The following SKP1 variants were observed in gnomAD, a reference collection of about 807,000 sequenced individuals.
SKP1 encodes S-phase kinase associated protein 1, also known as S-phase kinase-associated protein 1.
Under a neutral mutation model 21.5 loss-of-function variants are expected in SKP1, and 1 was observed. The observed-to-expected ratio is 0.05, with a 90% CI of 0.02 to 0.22. SKP1 has a LOEUF of 0.22. Ranked by LOEUF, SKP1 falls within the 10% of genes least tolerant of loss-of-function variation. The pLI is 1.00. For synonymous variants in SKP1, 59 were observed against 59.3 expected (o/e 0.99, Z 0.03); for missense variants, 70 against 192.0 (o/e 0.36, Z 3.76).
rs894023749 is a variant in SKP1 at position 134,152,019 on chromosome 5, C to T, written c.*5714G>A. On this transcript the variant is annotated 3_prime_UTR_variant, in exon 6 of 6. Transcript: ENST00000353411. ...CCAAAGGACATGCTCTGAAATATTT[C>T]TTACACCATACTTCATCTTGATATG... is the stretch of plus-strand genomic sequence containing the variant. 5.7e-5 allele frequency: 11 copies of T among 192,754 alleles called. No individual in the cohort carries two copies. Among genetic ancestry groups the T allele is most frequent in the Non-Finnish European group, 7.7e-5 (7 of 90,416 alleles). The allele number at this position is 192,754 out of a possible 1,614,324, so 11.9% of individuals were successfully genotyped here.
chr5:134,160,713 T>C (rs1761204477), intron 4 of SKP1, among the ~76,000 whole-genome samples: 1 of 152,224 alleles, frequency 6.6e-6, no homozygotes, highest in Non-Finnish European at 1.5e-5. Context: ...CGTATCTTCT[T>C]CCATTCTTTA....
Position 134,158,672 on chromosome 5 carries a change from G to A in SKP1, c.316-77C>T, listed in dbSNP as rs772884852. ...ATCCAAAGTTAATGATTGACACTCC[G>A]TATCTAATAAAGCTTAAAATGCTAA... On this transcript the variant is annotated intron_variant, in intron 4 of 5. Coordinates refer to ENST00000353411, the MANE Select transcript of SKP1 (RefSeq NM_170679.3). 1.6e-5 allele frequency: 19 copies of A among 1,207,034 alleles called. No homozygotes were observed. The East Asian group carries it at 3.5e-4, about 22-fold the overall frequency. The allele number at this position is 1,207,034 out of a possible 1,614,324, so 74.8% of individuals were successfully genotyped here. A position where few individuals can be genotyped will look rare whatever the true frequency, so the allele number is the denominator to read the frequency against.
At chr5:134,160,557 T>C (rs1761201337) in intron 4 of SKP1, among the ~76,000 whole-genome samples, 2 of 152,242 alleles carry the variant, frequency 1.3e-5, no homozygotes, top group South Asian at 4.1e-4. Context: ...TCTAGCCAGA[T>C]AAAAATTTAT....
intron 5 of SKP1, 21 bp from the exon 6 acceptor site, chr5:134,157,789 G>T: frequency 6.2e-7 from 1 of 1,613,062 alleles, no homozygotes; most frequent in Non-Finnish European, 8.5e-7. Context: ...TGGATATAGG[G>T]AAGTACCTTA....
chr5:134,176,522 G>T (rs1419804952), intron 1 of SKP1: 1 of 152,284 alleles, frequency 6.6e-6, no homozygotes, highest in East Asian at 1.9e-4. Flanking sequence ...ACCAAGAGAG[G>T]CCCCCGGCCG....
In SKP1 at chr5:134,164,098, A is replaced by G. The variant is rs1334454642; in HGVS notation, c.172-2968T>C. 2.0e-5 allele frequency among the ~76,000 whole-genome samples: 3 copies of G among 152,054 alleles called. No homozygotes were observed. The East Asian group carries it at 5.8e-4, about 29-fold the overall frequency. On this transcript the variant is annotated intron_variant, in intron 3 of 5. Coordinates refer to ENST00000353411, the MANE Select transcript of SKP1 (RefSeq NM_170679.3). ...CACTTTGAGAGACTGAGGCAGGCGG[A>G]TCACCTGAGGTCCGGAGTTCGAGAC...
Position 134,165,249 on chromosome 5 carries a change from T to G in SKP1, c.171+1921A>C, listed in dbSNP as rs185967405. On this transcript the variant is annotated intron_variant, in intron 3 of 5. Transcript: ENST00000353411. Reference sequence around the variant, plus strand: ...AATGATCAATGTTATGTATATTTTATCACTATTTTTCTAAGACCATTAGGA... The same window carrying G: ...AATGATCAATGTTATGTATATTTTAGCACTATTTTTCTAAGACCATTAGGA... Among the ~76,000 whole-genome samples, 100 of 152,290 alleles carry G rather than the reference T, an allele frequency of 6.6e-4. 1 individual carries two copies. Among genetic ancestry groups the G allele is most frequent in the African/African-American group, 2.0e-3 (82 of 41,558 alleles).
At chr5:134,162,816 T>G (rs1460179138) in intron 3 of SKP1, among the ~76,000 whole-genome samples, 3 of 152,152 alleles carry the variant, frequency 2.0e-5, no homozygotes, top group African/African-American at 7.2e-5. Context: ...TGGTTCATAC[T>G]TGTAATCTCA....
At position 134,153,818 on chromosome 5, in the gene SKP1, A is replaced by C. The variant is rs1761078249; in HGVS notation, c.*3915T>G. On this transcript the variant is annotated 3_prime_UTR_variant, in exon 6 of 6. Coordinates refer to ENST00000353411, the MANE Select transcript of SKP1 (RefSeq NM_170679.3). ...GTGATTTGGAATATCTGCCTGCCCT[A>C]AGTGAGATGCCCACAGTGACTCACT... 6.6e-6 allele frequency: 1 copy of C among 152,216 alleles called. No homozygotes were observed. Among genetic ancestry groups the C allele is most frequent in the Non-Finnish European group, 1.5e-5 (1 of 68,030 alleles). The allele number at this position is 152,216 out of a possible 1,614,324, so 9.4% of individuals were successfully genotyped here. A position where few individuals can be genotyped will look rare whatever the true frequency, so the allele number is the denominator to read the frequency against.
intron 4 of SKP1, 32 bp downstream of exon 4, chr5:134,160,955 G>C: frequency 1.3e-6 from 2 of 1,525,322 alleles, no homozygotes; most frequent in East Asian, 2.3e-5. Context: ...AAAGGCTCTA[G>C]AGTAGAGCTA....
At chr5:134,165,571 C>CAAT (rs1429369048) in intron 3 of SKP1, among the ~76,000 whole-genome samples, 11 of 120,922 alleles carry the variant, frequency 9.1e-5, no homozygotes, top group Admixed American at 1.0e-4. Flanking sequence ...GCCTGGGCGA[C>CAAT]AGAGTGTCTG....
rs1761037605 is a variant in SKP1, at chr5:134,151,184, C to CT, written c.*6548dup. ...ACCAGGGGCTCTGGACCAAGTCTTC[C>CT]TTTTTCATTCAAGTGTTCTCATTCT... On this transcript the variant is annotated 3_prime_UTR_variant, in exon 6 of 6. Transcript: ENST00000353411. 4 of 152,254 alleles carry CT rather than the reference C, an allele frequency of 2.6e-5. No individual in the cohort carries two copies. The South Asian group carries it at 8.3e-4, about 31-fold the overall frequency. 9.4% of individuals were successfully genotyped at this position (152,254 alleles called of 1,614,324 possible). A position where few individuals can be genotyped will look rare whatever the true frequency, so the allele number is the denominator to read the frequency against.
intron 1 of SKP1, chr5:134,175,450 T>A (rs1253362405): frequency 6.6e-6 from 1 of 152,176 alleles, no homozygotes; most frequent in East Asian, 1.9e-4. Flanking sequence ...ACAAAAGGTA[T>A]CTCCAAAAGA....
At chr5:134,171,029 T>A (rs1456988415) in intron 2 of SKP1, 10 of 456,146 alleles carry the variant, frequency 2.2e-5, no homozygotes, top group Admixed American at 2.1e-4. Flanking sequence ...AGGTACTTGA[T>A]GAACAGTGAC....
Position 134,157,731 on chromosome 5 carries a change from T to A in SKP1, c.*2A>T, listed in dbSNP as rs766374648. On this transcript the variant is annotated 3_prime_UTR_variant, in exon 6 of 6. Transcript: ENST00000353411. ...CAGTGTTACAGTGTCAGGCACAACA[T>A]TTCACTTCTCTTCACACCACTGGTT... The A allele has an allele frequency of 1.9e-6, 3 of 1,611,624 alleles. No individual in the cohort carries two copies. Among genetic ancestry groups the A allele is most frequent in the Middle Eastern group, 1.7e-4 (1 of 5,946 alleles).
At chr5:134,158,146 T>C (rs1761152662) in intron 5 of SKP1, 2 of 1,374,342 alleles carry the variant, frequency 1.5e-6, no homozygotes, top group Non-Finnish European at 1.9e-6. Context: ...CTCTAGGGCC[T>C]GCTTTTCTGA....
chr5:134,165,896 C>CA (rs1298171528), intron 3 of SKP1, among the ~76,000 whole-genome samples: 1 of 141,610 alleles, frequency 7.1e-6, no homozygotes, highest in African/African-American at 2.7e-5. Context: ...CAAACAAACA[C>CA]AAAAAAATTC....
At chr5:134,158,056 T>G (rs980292412) in intron 5 of SKP1, 19 of 1,456,612 alleles carry the variant, frequency 1.3e-5, no homozygotes, top group Non-Finnish European at 1.5e-5. Flanking sequence ...TCTGTAGTCA[T>G]GTCAACAAAA....
chr5:134,163,368 G>C (rs866766045), intron 3 of SKP1, among the ~76,000 whole-genome samples: 1 of 151,790 alleles, frequency 6.6e-6, no homozygotes, highest in African/African-American at 2.4e-5. Flanking sequence ...ATTACTTTGT[G>C]GGGGGAGCAG....
Sources: gnomAD v4.1 joint callset for allele counts (sites outside exome capture counted in the v4.1 genomes callset) on GRCh38, gnomAD v4.1.1 for gene constraint, MANE v1.5 for transcripts, NCBI Gene and HGNC (gene_info 2026-07-23, HGNC 2026-07-21) for gene names.